The following NALCN variants were observed in gnomAD, a reference collection of about 807,000 sequenced individuals.
The protein encoded by NALCN is sodium leak channel, non-selective.
In NALCN, 111 loss-of-function variants were observed where a neutral mutation model predicts 225.3. That is an observed-to-expected ratio of 0.49 (90% CI 0.42 to 0.58). NALCN has a LOEUF of 0.58. NALCN is among the 20% of genes least tolerant of loss of function. NALCN has a pLI of 0.00. For missense variants in NALCN, 1,378 were observed against 2,202.4 expected (o/e 0.63, Z 7.49); for synonymous variants, 764 against 769.0 (o/e 0.99, Z 0.11).
At chr13:101,252,058 C>A (rs1407009649) in intron 11 of NALCN, among the ~76,000 whole-genome samples, 1 of 152,300 alleles carries the variant, frequency 6.6e-6, no homozygotes, top group African/African-American at 2.4e-5. Context: ...ACTAAAATTT[C>A]TTTGATAAAT....
intron 10 of NALCN, among the ~76,000 whole-genome samples, chr13:101,278,352 G>T (rs548406302): frequency 6.6e-6 from 1 of 151,778 alleles, no homozygotes; most frequent in African/African-American, 2.4e-5. Context: ...GTGAAACCCG[G>T]TTTCTACTAA....
intron 7 of NALCN, among the ~76,000 whole-genome samples, chr13:101,315,402 T>C (rs1327677045): frequency 1.3e-5 from 2 of 152,154 alleles, no homozygotes; most frequent in African/African-American, 4.8e-5. Flanking sequence ...ACAGGATCAC[T>C]AGCAGTATAG....
intron 13 of NALCN, among the ~76,000 whole-genome samples, chr13:101,198,362 G>C (rs1417288317): frequency 6.6e-6 from 1 of 152,130 alleles, no homozygotes; most frequent in Non-Finnish European, 1.5e-5. Flanking sequence ...GCAACTTACA[G>C]AATGGGAGAA....
chr13:101,255,237 A>G (rs1355762916), intron 11 of NALCN, among the ~76,000 whole-genome samples: 1 of 152,222 alleles, frequency 6.6e-6, no homozygotes, highest in African/African-American at 2.4e-5. Context: ...TAACCAGTCA[A>G]CTCTACAACA....
intron 42 of NALCN, among the ~76,000 whole-genome samples, chr13:101,059,598 C>CTCTT (rs2031666929): frequency 6.6e-6 from 1 of 150,902 alleles, no homozygotes; most frequent in South Asian, 2.1e-4. Flanking sequence ...ATGAGTCAGA[C>CTCTT]TCTTTTTAAA....
At chr13:101,416,078 G>C (rs2047936788) in intron 1 of NALCN, among the ~76,000 whole-genome samples, 1 of 151,668 alleles carries the variant, frequency 6.6e-6, no homozygotes, top group South Asian at 2.1e-4. Flanking sequence ...GCCCCGGCCA[G>C]GCCGGCAAGG....
chr13:101,368,881 C>A, intron 6 of NALCN: 1 of 205,448 alleles, frequency 4.9e-6, no homozygotes, highest in Non-Finnish European at 1.0e-5. Context: ...TGGCACACGC[C>A]TGTAGTCCCA....
chr13:101,391,021 G>T (rs2047128887), intron 3 of NALCN, among the ~76,000 whole-genome samples: 1 of 151,578 alleles, frequency 6.6e-6, no homozygotes, highest in Non-Finnish European at 1.5e-5. Context: ...TAACAAACCT[G>T]CATGTTATGC....
chr13:101,227,360 G>C (rs1158300080), intron 13 of NALCN, among the ~76,000 whole-genome samples: 1 of 152,072 alleles, frequency 6.6e-6, no homozygotes, highest in Non-Finnish European at 1.5e-5. Flanking sequence ...AGCATACCCC[G>C]AGAATGACCC....
intron 13 of NALCN, among the ~76,000 whole-genome samples, chr13:101,195,008 G>GA (rs1290045239): frequency 6.6e-6 from 1 of 151,844 alleles, no homozygotes; most frequent in African/African-American, 2.4e-5. Context: ...TGTCTCAAAA[G>GA]AAAAAAGAAA....
chr13:101,324,017 G>A (rs1014470515), intron 7 of NALCN, among the ~76,000 whole-genome samples: 9 of 152,108 alleles, frequency 5.9e-5, no homozygotes, highest in African/African-American at 1.7e-4. Flanking sequence ...GGGAAGCAAC[G>A]TTTAACTTAG....
chr13:101,354,237 G>A (rs1257508446), intron 6 of NALCN, among the ~76,000 whole-genome samples: 2 of 152,158 alleles, frequency 1.3e-5, no homozygotes, highest in African/African-American at 4.8e-5. Flanking sequence ...CAGCTACTTG[G>A]GAGGCTGAGG....
intron 18 of NALCN, among the ~76,000 whole-genome samples, chr13:101,118,776 G>A (rs968759122): frequency 1.3e-5 from 2 of 152,122 alleles, no homozygotes; most frequent in African/African-American, 2.4e-5. Context: ...CTATCTCAGG[G>A]GTTGGCACAA....
chr13:101,195,279 T>C (rs997740227), intron 13 of NALCN, among the ~76,000 whole-genome samples: 1 of 152,250 alleles, frequency 6.6e-6, no homozygotes, highest in African/African-American at 2.4e-5. Flanking sequence ...TCTTTATTGG[T>C]TTCCACCAAC....
chr13:101,064,097 A>G (rs1217148865), intron 40 of NALCN, among the ~76,000 whole-genome samples: 1 of 152,214 alleles, frequency 6.6e-6, no homozygotes, highest in East Asian at 1.9e-4. Flanking sequence ...AATGACTACC[A>G]TAACTCAGAA....
At chr13:101,394,959 A>T (rs573616689) in intron 3 of NALCN, among the ~76,000 whole-genome samples, 2 of 152,302 alleles carry the variant, frequency 1.3e-5, no homozygotes, top group African/African-American at 4.8e-5. Flanking sequence ...TCCTTCTCAG[A>T]TATTCCAAGA....
intron 1 of NALCN, among the ~76,000 whole-genome samples, chr13:101,408,609 T>A (rs2047690121): frequency 6.6e-6 from 1 of 152,174 alleles, no homozygotes; most frequent in African/African-American, 2.4e-5. Context: ...TCAATCTAAT[T>A]TTGTACAAAA....
At chr13:101,279,633 G>A (rs2043081785) in intron 10 of NALCN, among the ~76,000 whole-genome samples, 1 of 149,714 alleles carries the variant, frequency 6.7e-6, no homozygotes, top group African/African-American at 2.4e-5. Flanking sequence ...CGGCTAAAAC[G>A]GTGAAACCCC....
At chr13:101,358,864 A>G (rs537110413) in intron 6 of NALCN, among the ~76,000 whole-genome samples, 21 of 152,354 alleles carry the variant, frequency 1.4e-4, no homozygotes, top group African/African-American at 5.0e-4. Flanking sequence ...CTATGCAGCC[A>G]TAAAAAGAAA....
Sources: gnomAD v4.1 joint callset for allele counts (sites outside exome capture counted in the v4.1 genomes callset) on GRCh38, gnomAD v4.1.1 for gene constraint, MANE v1.5 for transcripts, NCBI Gene and HGNC (gene_info 2026-07-23, HGNC 2026-07-21) for gene names.